The following F8 variants were observed in gnomAD, a reference collection of about 807,000 sequenced individuals.
F8 encodes the protein antihemophilic factor.
Under a neutral mutation model 140.6 loss-of-function variants are expected in F8, and 12 were observed. That is an observed-to-expected ratio of 0.09 (90% CI 0.05 to 0.14). The LOEUF is 0.14. F8 is among the 10% of genes least tolerant of loss of function. F8 has a pLI of 1.00. For missense variants in F8, 1,354 were observed against 1,720.7 expected, an observed-to-expected ratio of 0.79 and a Z score of 3.77; for synonymous variants, 585 against 614.6, an observed-to-expected ratio of 0.95 and a Z score of 0.71.
chrX:154,953,946 G>C lies in F8; in HGVS notation c.1849C>G (p.Pro617Ala). The C allele has an allele frequency of 1.7e-6, 2 of 1,211,685 alleles. No individual in the cohort carries two copies. The highest frequency in any genetic ancestry group is 2.2e-6 in the Non-Finnish European group (2 of 895,458). Residue 617 changes from proline to alanine, a missense_variant, in exon 12 of 26, where the codon CCA becomes GCA. This residue lies in a region of F8 where 252 missense variants were observed against 338.5 expected (regional missense o/e 0.74). Transcript: ENST00000360256. ...GGATCCTCAAGCTGCACTCCAGCTG[G>C]ATTGGGGAGAAAGCGTTGTATATTC... ...TENIQRFLPN[P>A]AGVQLEDPEF...
Position 154,987,268 on chromosome X carries a change from T to C in F8, c.639A>G (p.Lys213=), listed in dbSNP as rs782481179. The C allele has an allele frequency of 2.5e-6, 3 of 1,210,792 alleles. No homozygotes were observed. The highest frequency in any genetic ancestry group is 3.4e-6 in the Non-Finnish European group (3 of 894,627). The change falls in exon 5 of 26, where the codon AAA becomes AAG. Residue 213 remains lysine (K), a synonymous_variant. Transcript: ENST00000360256. ...LAKEKTQTLH[K]FILLFAVFDE... is the part of the protein sequence containing the mutation. ...CAAATACAGCAAAAAGTAGTATAAA[T>C]TTGTGCAAGGTCTGTGTCTTTTCCT...
intron 13 of F8, among the ~76,000 whole-genome samples, chrX:154,942,873 C>G (rs1241575979): frequency 9.4e-6 from 1 of 106,854 alleles, no homozygotes; most frequent in African/African-American, 3.4e-5. Context: ...ATATGCAAAT[C>G]AATAAATGTA....
At chrX:154,970,850 T>G (rs1301334551) in intron 6 of F8, among the ~76,000 whole-genome samples, 2 of 111,892 alleles carry the variant, frequency 1.8e-5, no homozygotes, top group Admixed American at 9.6e-5. Flanking sequence ...ATGCTCAGTT[T>G]GTAATTTTGC....
At chrX:154,997,538 C>A (rs946979719) in intron 2 of F8, among the ~76,000 whole-genome samples, 9 of 111,930 alleles carry the variant, frequency 8.0e-5, no homozygotes, top group African/African-American at 2.9e-4. Context: ...GAGGAGGTGA[C>A]ATTTGAGTAG....
intron 22 of F8, among the ~76,000 whole-genome samples, chrX:154,879,660 G>A (rs782658319): frequency 8.9e-6 from 1 of 111,933 alleles, no homozygotes; most frequent in South Asian, 3.8e-4. Context: ...TAGGTTAGCC[G>A]CTGATATGGT....
At chrX:154,843,569 A>G (rs1398912960) in intron 25 of F8, among the ~76,000 whole-genome samples, 2 of 111,912 alleles carry the variant, frequency 1.8e-5, no homozygotes, top group African/African-American at 6.5e-5. Flanking sequence ...TTTTTCATGT[A>G]TCTGTTGGCT....
chrX:154,924,583 C>G (rs2073149889), intron 14 of F8, among the ~76,000 whole-genome samples: 1 of 111,876 alleles, frequency 8.9e-6, no homozygotes, highest in African/African-American at 3.3e-5. Flanking sequence ...CCTCTTCTCA[C>G]AGCTCCACTA....
chrX:154,908,247 T>A lies in F8; in HGVS notation c.5220-1674A>T, dbSNP rs1234705651. On this transcript the variant is annotated intron_variant, in intron 14 of 25. Coordinates refer to ENST00000360256, the MANE Select transcript of F8 (RefSeq NM_000132.4). ...TGTGACACCTTTGTCATAAATCAAG[T>A]TTCTATATGTGTTAGACTAGTTTTG... 2.7e-5 allele frequency among the ~76,000 whole-genome samples: 3 copies of A among 112,294 alleles called. No individual in the cohort carries two copies. The Admixed American group carries it at 2.8e-4, about 11-fold the overall frequency.
At position 154,953,878 on chromosome X, in the gene F8, G is replaced by C; in HGVS notation, c.1903+14C>G. 1 of 1,211,107 alleles carries C rather than the reference G, an allele frequency of 8.3e-7. No individual in the cohort carries two copies. The highest frequency in any genetic ancestry group is 1.1e-6 in the Non-Finnish European group (1 of 895,037). On this transcript the variant is annotated intron_variant, in intron 12 of 25. Transcript: ENST00000360256. The stretch of plus-strand genomic sequence containing the variant: ...TATTCACCACCCACTGGACTTAAGT[G>C]CTGCTTTACTCACTGTGCATGATGT...
intron 13 of F8, among the ~76,000 whole-genome samples, chrX:154,942,739 C>T (rs1557279951): frequency 1.8e-5 from 2 of 108,518 alleles, no homozygotes; most frequent in East Asian, 2.8e-4. Flanking sequence ...GACCAATATC[C>T]TTGATGAACA....
chrX:154,862,471 A>G (rs2072700637), intron 23 of F8, among the ~76,000 whole-genome samples: 1 of 111,177 alleles, frequency 9.0e-6, no homozygotes, highest in African/African-American at 3.3e-5. Flanking sequence ...ATTGCATGTC[A>G]CTGAGGCTTG....
Position 154,999,974 on chromosome X carries a change from T to C in F8, c.144-374A>G, listed in dbSNP as rs1335487407. 5.4e-5 allele frequency among the ~76,000 whole-genome samples: 6 copies of C among 111,876 alleles called. No individual in the cohort carries two copies. The Admixed American group carries it at 5.7e-4, about 11-fold the overall frequency. ...TCCCTCCTTAGGGATACCAGGAATA[T>C]CACAGAGAAAATTACCTTTCAGCAG... On this transcript the variant is annotated intron_variant, in intron 1 of 25. Transcript: ENST00000360256.
intron 25 of F8, among the ~76,000 whole-genome samples, chrX:154,851,757 C>A (rs980979463): frequency 9.0e-6 from 1 of 110,898 alleles, no homozygotes; most frequent in Non-Finnish European, 1.9e-5. Flanking sequence ...ATTTGGTTGT[C>A]TTTCTGTTGT....
At chrX:154,957,779 G>A (rs368998287) in intron 10 of F8, among the ~76,000 whole-genome samples, 3 of 107,524 alleles carry the variant, frequency 2.8e-5, no homozygotes, top group African/African-American at 1.0e-4. Flanking sequence ...CCAGCTACTT[G>A]GGAGGCTGAG....
intron 14 of F8, chrX:154,909,779 T>C (rs1252556754): frequency 8.9e-6 from 1 of 112,717 alleles, no homozygotes; most frequent in Non-Finnish European, 1.9e-5. Flanking sequence ...TTTTGATACA[T>C]GAATACAATG....
Position 154,860,456 on chromosome X carries a change from G to A in F8, c.6876C>T (p.Leu2292=). 1 of 1,211,106 alleles carries A rather than the reference G, an allele frequency of 8.3e-7. No homozygotes were observed. Among genetic ancestry groups the A allele is most frequent in the Non-Finnish European group, 1.1e-6 (1 of 895,186 alleles). Residue 2292 remains leucine (L), a synonymous_variant, in exon 25 of 26, where the codon CTC becomes CTT. Coordinates refer to ENST00000360256, the MANE Select transcript of F8 (RefSeq NM_000132.4). ...SSSQDGHQWT[L]FFQNGKVKVF... ...CCTTTACTTTGCCATTCTGAAAAAA[G>A]AGAGTCCACTGATGGCCATCTTGAC...
chrX:155,002,023 A>T (rs1557285653), intron 1 of F8, among the ~76,000 whole-genome samples: 2 of 112,689 alleles, frequency 1.8e-5, no homozygotes, highest in Admixed American at 9.3e-5. Context: ...AGTCTCTGGC[A>T]TCCACCATTC....
At chrX:154,848,840 T>A (rs1168089603) in intron 25 of F8, among the ~76,000 whole-genome samples, 1 of 111,199 alleles carries the variant, frequency 9.0e-6, no homozygotes, top group Admixed American at 9.5e-5. Flanking sequence ...CCTGGTACCT[T>A]AGTTGGAAAT....
Position 155,022,624 on chromosome X carries a change from G to C in F8, c.-72C>G. On this transcript the variant is annotated 5_prime_UTR_variant, in exon 1 of 26. Coordinates refer to ENST00000360256, the MANE Select transcript of F8 (RefSeq NM_000132.4). ...TTCTCTAAAATATCTTTAGCTCCCAGGAGGGGAAAAAAGTAAAATTTCTGA... is the reference window on the plus strand; with the variant it reads ...TTCTCTAAAATATCTTTAGCTCCCACGAGGGGAAAAAAGTAAAATTTCTGA... 1 of 1,205,058 alleles carries C rather than the reference G, an allele frequency of 8.3e-7. No individual in the cohort carries two copies. The highest frequency in any genetic ancestry group is 2.2e-5 in the Admixed American group (1 of 45,419).
Sources: allele counts gnomAD v4.1 joint callset (sites outside exome capture counted in the v4.1 genomes callset), GRCh38; gene constraint gnomAD v4.1.1; regional missense constraint gnomAD v4.1.1; transcripts MANE v1.5; gene names NCBI Gene and HGNC (gene_info 2026-07-23, HGNC 2026-07-21).